CLMP: variants seen among roughly 807,000 people sequenced by gnomAD.
The protein encoded by CLMP is CXADR-like membrane protein.
A neutral mutation model predicts 45.2 loss-of-function variants in CLMP; 27 were observed. The ratio of observed to expected loss-of-function variants is 0.60; its 90% CI spans 0.44 to 0.82. The LOEUF (loss-of-function observed/expected upper bound fraction) is 0.82. Among genes scored for constraint, CLMP ranks in the 40% least tolerant of loss-of-function variants. The pLI, the probability that CLMP is intolerant of heterozygous loss-of-function variation, is 0.00. For synonymous variants in CLMP, 167 were observed against 171.4 expected, an observed-to-expected ratio of 0.97 and a Z score of 0.20; for missense variants, 403 against 448.4, an observed-to-expected ratio of 0.90 and a Z score of 0.91.
chr11:123,180,812 A>C (rs1861758677), intron 1 of CLMP, among the ~76,000 whole-genome samples: 2 of 152,138 alleles, frequency 1.3e-5, no homozygotes, highest in Non-Finnish European at 2.9e-5. Flanking sequence ...GGCAAGGGAA[A>C]AACAAGCGCA....
chr11:123,152,736 C>T (rs960321720), intron 1 of CLMP, among the ~76,000 whole-genome samples: 1 of 152,012 alleles, frequency 6.6e-6, no homozygotes, highest in African/African-American at 2.4e-5. Context: ...AAAATACACC[C>T]CTCAAGGACA....
intron 1 of CLMP, among the ~76,000 whole-genome samples, chr11:123,167,377 C>T (rs1177865980): frequency 6.6e-6 from 1 of 152,184 alleles, no homozygotes; most frequent in Admixed American, 6.5e-5. Context: ...GCTCCACCTC[C>T]TGGGTTCACA....
chr11:123,151,919 C>G (rs1277922156), intron 1 of CLMP, among the ~76,000 whole-genome samples: 1 of 152,182 alleles, frequency 6.6e-6, no homozygotes, highest in African/African-American at 2.4e-5. Flanking sequence ...TATCACTTCA[C>G]TCCTGTTCTA....
chr11:123,109,961 T>A (rs1860615961), intron 1 of CLMP, among the ~76,000 whole-genome samples: 2 of 152,136 alleles, frequency 1.3e-5, no homozygotes, highest in Admixed American at 1.3e-4. Context: ...GAGGAACAGC[T>A]AATGCAGTTA....
chr11:123,086,504 C>T (rs1156335771), intron 2 of CLMP, among the ~76,000 whole-genome samples: 1 of 152,208 alleles, frequency 6.6e-6, no homozygotes, highest in African/African-American at 2.4e-5. Flanking sequence ...TGCCTTTGAT[C>T]ACGTGTTGCT....
At chr11:123,105,958 AG>A (rs1283673248) in intron 1 of CLMP, among the ~76,000 whole-genome samples, 1 of 151,800 alleles carries the variant, frequency 6.6e-6, no homozygotes, top group East Asian at 1.9e-4. Flanking sequence ...CTGGGATTAC[AG>A]GCCCACGCCA....
At chr11:123,154,470 T>C (rs1475527601) in intron 1 of CLMP, among the ~76,000 whole-genome samples, 1 of 152,208 alleles carries the variant, frequency 6.6e-6, no homozygotes, top group Non-Finnish European at 1.5e-5. Flanking sequence ...GTGTTAGTCA[T>C]GCAAGTAGGG....
At chr11:123,093,643 A>ATACTTTGGGCCTC (rs1374152394) in intron 2 of CLMP, among the ~76,000 whole-genome samples, 1 of 152,218 alleles carries the variant, frequency 6.6e-6, no homozygotes, top group Non-Finnish European at 1.5e-5. Flanking sequence ...TGCTAGGATT[A>ATACTTTGGGCCTC]CAGGTGTGAG....
At chr11:123,166,962 A>G (rs1352625000) in intron 1 of CLMP, among the ~76,000 whole-genome samples, 1 of 152,186 alleles carries the variant, frequency 6.6e-6, no homozygotes, top group Non-Finnish European at 1.5e-5. Flanking sequence ...ATCTGCCACC[A>G]AAGGAGAGAT....
intron 1 of CLMP, among the ~76,000 whole-genome samples, chr11:123,175,360 C>T (rs968673566): frequency 5.8e-4 from 89 of 152,222 alleles, no homozygotes; most frequent in African/African-American, 2.0e-3. Flanking sequence ...ACAGATCTCA[C>T]GAGAACTCAC....
chr11:123,164,854 CATG>C (rs991775696), intron 1 of CLMP, among the ~76,000 whole-genome samples: 5 of 152,030 alleles, frequency 3.3e-5, no homozygotes, highest in African/African-American at 1.2e-4. Context: ...GTTTTTAAAA[CATG>C]ATAATACACT....
At position 123,084,612 on chromosome 11, in the gene CLMP, C is replaced by T. The variant is rs764453599; in HGVS notation, c.288G>A (p.Leu96=). 3.1e-6 allele frequency: 5 copies of T among 1,614,190 alleles called. No homozygotes were observed. Among genetic ancestry groups the T allele is most frequent in the Non-Finnish European group, 4.2e-6 (5 of 1,180,024 alleles). ...ASNFLAGDAS[L]QIEPLKPSDE... ...CACTGGGCTTCAGAGGTTCAATCTG[C>T]AAGGAGGCATCTCCTGCCAGGAAAT... Residue 96 remains leucine, a synonymous_variant, in exon 3 of 7, where the codon TTG becomes TTA. Transcript: ENST00000448775.
chr11:123,173,876 G>T (rs1011850997), intron 1 of CLMP, among the ~76,000 whole-genome samples: 1 of 152,176 alleles, frequency 6.6e-6, no homozygotes, highest in Non-Finnish European at 1.5e-5. Flanking sequence ...GAGCTCAGGA[G>T]TTCGAGACCA....
At chr11:123,161,542 G>A (rs1459671553) in intron 1 of CLMP, among the ~76,000 whole-genome samples, 1 of 152,056 alleles carries the variant, frequency 6.6e-6, no homozygotes, top group Non-Finnish European at 1.5e-5. Context: ...AAGCATGGTG[G>A]CAATGTGCCT....
intron 1 of CLMP, among the ~76,000 whole-genome samples, chr11:123,106,816 C>A (rs189160030): frequency 6.6e-6 from 1 of 151,694 alleles, no homozygotes; most frequent in Admixed American, 6.6e-5. Flanking sequence ...GTCAGGAGAT[C>A]GAGACCATCC....
chr11:123,174,897 T>A (rs149258209), intron 1 of CLMP, among the ~76,000 whole-genome samples: 282 of 152,276 alleles, frequency 1.9e-3, no homozygotes, highest in African/African-American at 6.5e-3. Context: ...ATGCCTGTAT[T>A]TTGGAAGCAG....
chr11:123,190,879 T>C (rs1262134849), intron 1 of CLMP, among the ~76,000 whole-genome samples: 1 of 152,198 alleles, frequency 6.6e-6, no homozygotes, highest in Non-Finnish European at 1.5e-5. Flanking sequence ...AAATGTGTAA[T>C]AGGATCATGG....
chr11:123,110,231 A>G (rs1430748197), intron 1 of CLMP, among the ~76,000 whole-genome samples: 1 of 152,016 alleles, frequency 6.6e-6, no homozygotes, highest in Admixed American at 6.6e-5. Context: ...TGAGGTGGGC[A>G]GATCACAAGG....
chr11:123,186,719 C>T (rs1035325778), intron 1 of CLMP, among the ~76,000 whole-genome samples: 31 of 152,106 alleles, frequency 2.0e-4, no homozygotes, highest in Admixed American at 1.1e-3. Flanking sequence ...GACAGGGTTT[C>T]GCCATGTTGG....
Sources: gnomAD v4.1 joint callset for allele counts (sites outside exome capture counted in the v4.1 genomes callset) on GRCh38, gnomAD v4.1.1 for gene constraint, MANE v1.5 for transcripts, NCBI Gene and HGNC (gene_info 2026-07-23, HGNC 2026-07-21) for gene names.